APOBEC1: variants seen among roughly 807,000 people sequenced by gnomAD.
The protein encoded by APOBEC1 is apolipoprotein B mRNA editing enzyme catalytic subunit 1.
Under a neutral mutation model 26.3 loss-of-function variants are expected in APOBEC1, and 22 were observed. The observed-to-expected ratio is 0.84, with a 90% CI of 0.60 to 1.19. The LOEUF (loss-of-function observed/expected upper bound fraction) is 1.19. Among genes scored for constraint, APOBEC1 ranks in the 50% most tolerant of loss-of-function variants. APOBEC1 has a pLI of 0.00. For synonymous variants in APOBEC1, 77 were observed against 95.3 expected (o/e 0.81, Z 1.12); for missense variants, 253 against 289.0 (o/e 0.88, Z 0.90).
At position 7,649,557 on chromosome 12, in the gene APOBEC1, G is replaced by A. The variant is rs756803020; in HGVS notation, c.701C>T (p.Ala234Val). The stretch of plus-strand genomic sequence containing the variant: ...ACGGAATCATCCTATTCATCTCCAA[G>A]CCACAGAAGGATGTATCAGCCCTGT... ...LATGLIHPSVAWR is the reference protein window; with the variant it reads ...LATGLIHPSVVWR The change falls in exon 5 of 5, where the codon GCT becomes GTT. Residue 234 changes from alanine (A) to valine (V), a missense_variant. Transcript: ENST00000229304. 32 of 1,613,918 alleles carry A rather than the reference G, an allele frequency of 2.0e-5. No individual in the cohort carries two copies. The highest frequency in any genetic ancestry group is 2.3e-5 in the Non-Finnish European group (27 of 1,180,010).
chr12:7,650,004 A>G (rs906207809), intron 4 of APOBEC1, among the ~76,000 whole-genome samples: 6 of 152,024 alleles, frequency 3.9e-5, no homozygotes, highest in Non-Finnish European at 7.4e-5. Context: ...TTTTGTTGAG[A>G]TGTGGTTTCG....
At chr12:7,655,860 C>A (rs972868330) in intron 1 of APOBEC1, among the ~76,000 whole-genome samples, 1 of 152,092 alleles carries the variant, frequency 6.6e-6, no homozygotes, top group Non-Finnish European at 1.5e-5. Context: ...TTAGCACACA[C>A]CTGTGGCTAC....
rs773510466 is a variant in APOBEC1 at position 7,649,739 on chromosome 12, TTTAA to T, written c.562-47_562-44del. ...TATATTTAATCCTTAGGATGAATAT[TTTAA>T]TTAATAATATTATCACCACAAACAT... On this transcript the variant is annotated intron_variant, in intron 4 of 4. Transcript: ENST00000229304. 12 of 1,344,908 alleles carry T rather than the reference TTTAA, an allele frequency of 8.9e-6. No individual in the cohort carries two copies. In the Middle Eastern group the frequency reaches 5.8e-4, roughly 65 times the overall value. The allele number at this position is 1,344,908 out of a possible 1,614,324, so 83.3% of individuals were successfully genotyped here. A position where few individuals can be genotyped will look rare whatever the true frequency, so the allele number is the denominator to read the frequency against.
upstream of APOBEC1, among the ~76,000 whole-genome samples, chr12:7,666,459 A>G (rs2136860909): frequency 6.6e-6 from 1 of 151,854 alleles, no homozygotes; most frequent in South Asian, 2.1e-4. Context: ...ACGCCCGGCT[A>G]ATTTTTTGTA....
intron 1 of APOBEC1, among the ~76,000 whole-genome samples, chr12:7,657,389 C>T (rs531601482): frequency 1.3e-5 from 2 of 152,220 alleles, no homozygotes; most frequent in East Asian, 3.9e-4. Flanking sequence ...GTGGATTGCA[C>T]ACTTTCTGAC....
chr12:7,669,402 T>G (rs1348540063), upstream of APOBEC1, among the ~76,000 whole-genome samples: 8 of 152,188 alleles, frequency 5.3e-5, no homozygotes, highest in Admixed American at 2.6e-4. Flanking sequence ...GTCGATGTGA[T>G]GTACTTTGGG....
At chr12:7,654,214 C>G (rs1036998044) in intron 2 of APOBEC1, among the ~76,000 whole-genome samples, 1 of 151,364 alleles carries the variant, frequency 6.6e-6, no homozygotes, top group Non-Finnish European at 1.5e-5. Context: ...GATAAGCAAG[C>G]TAGAAAATCA....
chr12:7,652,499 A>G lies in APOBEC1; in HGVS notation c.381T>C (p.Asn127=), dbSNP rs2136839112. The part of the protein sequence containing the change: ...ARLFWHMDQQ[N]RQGLRDLVNS... ...TAACAAGGTCCCTGAGACCTTGCCG[A>G]TTTTGTTGATCCATGTGCCAAAAAA... is the stretch of plus-strand genomic sequence containing the variant. Residue 127 remains asparagine, a synonymous_variant, in exon 3 of 5, where the codon AAT becomes AAC. Coordinates refer to ENST00000229304, the MANE Select transcript of APOBEC1 (RefSeq NM_001644.5). 6.2e-7 allele frequency: 1 copy of G among 1,614,092 alleles called. No homozygotes were observed. The highest frequency in any genetic ancestry group is 8.5e-7 in the Non-Finnish European group (1 of 1,180,014).
intron 1 of APOBEC1, among the ~76,000 whole-genome samples, chr12:7,659,322 A>AAT (rs1328982852): frequency 0.024 from 1,130 of 46,150 alleles, 43 homozygotes; most frequent in East Asian, 0.072. Context: ...AAAAAAAAAA[A>AAT]ATATATATAT....
chr12:7,667,910 T>TAA (rs766377169), upstream of APOBEC1, among the ~76,000 whole-genome samples: 9 of 65,792 alleles, frequency 1.4e-4, no homozygotes, highest in Non-Finnish European at 2.0e-4. Context: ...AGACTACGTC[T>TAA]AAAAAAAAAA....
chr12:7,658,465 A>C (rs986739448), intron 1 of APOBEC1, among the ~76,000 whole-genome samples: 3 of 152,152 alleles, frequency 2.0e-5, no homozygotes, highest in Non-Finnish European at 4.4e-5. Context: ...GTTTTGAGAA[A>C]GGCGATACAG....
chr12:7,670,303 G>A (rs1340297051), upstream of APOBEC1, among the ~76,000 whole-genome samples: 1 of 139,884 alleles, frequency 7.1e-6, no homozygotes, highest in African/African-American at 2.7e-5. Context: ...TTTTTAATTG[G>A]GTTCTTTGTC....
intron 2 of APOBEC1, among the ~76,000 whole-genome samples, chr12:7,653,480 ATTCTAACCCTTTTTT>A (rs1412933548): frequency 7.6e-6 from 1 of 130,938 alleles, no homozygotes; most frequent in Non-Finnish European, 1.6e-5. Context: ...CCTTCATTAT[ATTCTAACCCTTTTTT>A]TTTTTTTTTT....
intron 2 of APOBEC1, among the ~76,000 whole-genome samples, chr12:7,653,593 C>G (rs895609132): frequency 6.7e-5 from 10 of 150,188 alleles, no homozygotes; most frequent in Non-Finnish European, 1.3e-4. Flanking sequence ...TCCTGAGTAG[C>G]TGAGACCACA....
At chr12:7,669,470 C>A (rs1863929830), upstream of APOBEC1, among the ~76,000 whole-genome samples, 1 of 152,116 alleles carries the variant, frequency 6.6e-6, no homozygotes, top group Non-Finnish European at 1.5e-5. Context: ...GTATACAATT[C>A]TTTGTGTAAA....
In APOBEC1 at chr12:7,665,876, GCT is replaced by G; in HGVS notation, c.-6_-5del. The G allele has an allele frequency of 6.2e-7, 1 of 1,612,774 alleles. No homozygotes were observed. Among genetic ancestry groups the G allele is most frequent in the Non-Finnish European group, 8.5e-7 (1 of 1,179,686 alleles). On this transcript the variant is annotated 5_prime_UTR_variant, in exon 1 of 5. Transcript: ENST00000229304. ...TTTTACCTTTCTCAGAAGTCATGGTGCTCTGTCTCTGGACTTCCTCCTCTGGA... is the reference window on the plus strand; with the variant it reads ...TTTTACCTTTCTCAGAAGTCATGGTGCTGTCTCTGGACTTCCTCCTCTGGA...
upstream of APOBEC1, among the ~76,000 whole-genome samples, chr12:7,666,109 G>T (rs953825499): frequency 7.2e-5 from 11 of 152,160 alleles, no homozygotes; most frequent in African/African-American, 2.7e-4. Context: ...CAAATGACAT[G>T]AATTTTGTAG....
intron 1 of APOBEC1, 56 bp downstream of exon 1, chr12:7,665,800 CA>C (rs1863884846): frequency 8.3e-6 from 11 of 1,327,412 alleles, no homozygotes; most frequent in African/African-American, 4.7e-5. Context: ...CACACACACA[CA>C]CACACCATTC....
Position 7,649,744 on chromosome 12 carries a change from T to A in APOBEC1, c.562-48A>T. 5 of 1,273,164 alleles carry A rather than the reference T, an allele frequency of 3.9e-6. No individual in the cohort carries two copies. The Middle Eastern group carries it at 6.4e-4, about 163-fold the overall frequency. 78.9% of individuals were successfully genotyped at this position (1,273,164 alleles called of 1,614,324 possible). A position where few individuals can be genotyped will look rare whatever the true frequency, so the allele number is the denominator to read the frequency against. On this transcript the variant is annotated intron_variant, in intron 4 of 4. Coordinates refer to ENST00000229304, the MANE Select transcript of APOBEC1 (RefSeq NM_001644.5). ...TTAATCCTTAGGATGAATATTTTAA[T>A]TAATAATATTATCACCACAAACATT...
Sources: gnomAD v4.1 joint callset for allele counts (sites outside exome capture counted in the v4.1 genomes callset) on GRCh38, gnomAD v4.1.1 for gene constraint, MANE v1.5 for transcripts, NCBI Gene and HGNC (gene_info 2026-07-23, HGNC 2026-07-21) for gene names.